The following SCFD2 variants were observed in gnomAD, a reference collection of about 807,000 sequenced individuals.
The protein encoded by SCFD2 is sec1 family domain containing 2, also known as sec1 family domain-containing protein 2.
A neutral mutation model predicts 58.9 loss-of-function variants in SCFD2; 54 were observed. The observed-to-expected ratio is 0.92, with a 90% CI of 0.74 to 1.15. SCFD2 has a LOEUF of 1.15. SCFD2 is among the 50% of genes most tolerant of loss of function. The pLI, the probability that SCFD2 is intolerant of heterozygous loss-of-function variation, is 0.00. For missense variants in SCFD2, 805 were observed against 836.6 expected, an observed-to-expected ratio of 0.96 and a Z score of 0.47; for synonymous variants, 321 against 335.9, an observed-to-expected ratio of 0.96 and a Z score of 0.49.
intron 5 of SCFD2, among the ~76,000 whole-genome samples, chr4:52,998,850 ACT>A (rs1270256856): frequency 6.6e-6 from 1 of 152,160 alleles, no homozygotes; most frequent in Non-Finnish European, 1.5e-5. Flanking sequence ...CCATTAACAC[ACT>A]GTTTAGACTA....
chr4:53,216,086 G>C (rs1728820723), intron 4 of SCFD2, among the ~76,000 whole-genome samples: 2 of 152,096 alleles, frequency 1.3e-5, no homozygotes, highest in African/African-American at 2.4e-5. Context: ...ATGTTCATCA[G>C]GGATATTGAT....
At chr4:53,184,943 G>C (rs574853362) in intron 4 of SCFD2, among the ~76,000 whole-genome samples, 6 of 152,074 alleles carry the variant, frequency 3.9e-5, no homozygotes, top group Admixed American at 1.3e-4. Context: ...TGAATTTGAT[G>C]CATCTCTTTG....
chr4:52,972,390 T>C (rs574199364), intron 5 of SCFD2, among the ~76,000 whole-genome samples: 320 of 152,120 alleles, frequency 2.1e-3, no homozygotes, highest in African/African-American at 7.6e-3. Context: ...AAACAGACTT[T>C]AAAGCAACAA....
At chr4:53,136,891 TTATGA>T (rs1007711374) in intron 5 of SCFD2, among the ~76,000 whole-genome samples, 9 of 152,182 alleles carry the variant, frequency 5.9e-5, no homozygotes, top group African/African-American at 2.2e-4. Flanking sequence ...CTGAGAATGT[TTATGA>T]TATAAGTCCA....
Position 52,914,186 on chromosome 4 carries a change from T to C in SCFD2, c.1707+6539A>G, listed in dbSNP as rs112362117. ...CTATGCAGCCAGGCAAGATTGCTTATGACAAAAATGACCGCTGGTTGGTAA... is the reference window on the plus strand; with the variant it reads ...CTATGCAGCCAGGCAAGATTGCTTACGACAAAAATGACCGCTGGTTGGTAA... On this transcript the variant is annotated intron_variant, in intron 6 of 8. Transcript: ENST00000401642. Among the ~76,000 whole-genome samples, 422 of 152,326 alleles carry C rather than the reference T, an allele frequency of 2.8e-3. 2 individuals are homozygous for C. The highest frequency in any genetic ancestry group is 3.4e-3 in the Non-Finnish European group (231 of 68,022).
intron 4 of SCFD2, among the ~76,000 whole-genome samples, chr4:53,246,996 CAAAAAA>C (rs55821656): frequency 1.1e-5 from 1 of 94,882 alleles, no homozygotes; most frequent in Non-Finnish European, 2.1e-5. Flanking sequence ...AAAAAATTTA[CAAAAAA>C]AAAAAAAAAA....
chr4:52,907,125 G>A (rs1340326732), intron 7 of SCFD2, among the ~76,000 whole-genome samples: 1 of 152,200 alleles, frequency 6.6e-6, no homozygotes, highest in Non-Finnish European at 1.5e-5. Context: ...ACTAAGACCG[G>A]TGTGTGCTAT....
intron 4 of SCFD2, among the ~76,000 whole-genome samples, chr4:53,205,713 T>A (rs1277683011): frequency 6.6e-6 from 1 of 151,762 alleles, no homozygotes; most frequent in East Asian, 1.9e-4. Context: ...TACAAAAAAA[T>A]TAGCTGGGCA....
intron 8 of SCFD2, among the ~76,000 whole-genome samples, chr4:52,875,340 C>T (rs150354348): frequency 6.6e-6 from 1 of 152,044 alleles, no homozygotes; most frequent in African/African-American, 2.4e-5. Flanking sequence ...GGGCTGGGGG[C>T]GTGATGTGCT....
intron 4 of SCFD2, among the ~76,000 whole-genome samples, chr4:53,168,239 C>T (rs1484965674): frequency 1.3e-5 from 2 of 152,166 alleles, no homozygotes; most frequent in African/African-American, 2.4e-5. Flanking sequence ...ATCTGCAATT[C>T]ATCTGTTCAT....
At chr4:53,326,810 A>G (rs1733212535) in intron 2 of SCFD2, among the ~76,000 whole-genome samples, 1 of 152,208 alleles carries the variant, frequency 6.6e-6, no homozygotes, top group Non-Finnish European at 1.5e-5. Context: ...TCATAGGTCC[A>G]CAGGTGAATA....
At chr4:52,983,790 A>C (rs985181801) in intron 5 of SCFD2, among the ~76,000 whole-genome samples, 2 of 152,184 alleles carry the variant, frequency 1.3e-5, no homozygotes, top group African/African-American at 4.8e-5. Context: ...CTAGAGTGAC[A>C]AACCCTCTCC....
At chr4:53,266,162 A>G (rs914590464) in intron 4 of SCFD2, among the ~76,000 whole-genome samples, 10 of 152,330 alleles carry the variant, frequency 6.6e-5, no homozygotes, top group African/African-American at 2.4e-4. Flanking sequence ...ATCAAACAGT[A>G]AATATAAAAA....
At chr4:53,171,518 T>C (rs1401083199) in intron 4 of SCFD2, among the ~76,000 whole-genome samples, 2 of 152,186 alleles carry the variant, frequency 1.3e-5, no homozygotes, top group Non-Finnish European at 2.9e-5. Context: ...GGTACCAAGA[T>C]ACGAGTTTGG....
intron 5 of SCFD2, among the ~76,000 whole-genome samples, chr4:52,942,155 G>A (rs572185581): frequency 6.6e-6 from 1 of 152,256 alleles, no homozygotes; most frequent in Admixed American, 6.5e-5. Context: ...GAAAGTGGAG[G>A]AAAAGAACTA....
intron 4 of SCFD2, among the ~76,000 whole-genome samples, chr4:53,230,736 C>G (rs1209134200): frequency 6.6e-6 from 1 of 151,588 alleles, no homozygotes; most frequent in Non-Finnish European, 1.5e-5. Context: ...CAAACCTGCA[C>G]GTTGTGCACA....
At chr4:52,894,209 G>A (rs75847164) in intron 7 of SCFD2, among the ~76,000 whole-genome samples, 7,167 of 152,094 alleles carry the variant, frequency 0.047, 188 homozygotes, top group South Asian at 0.097. Context: ...ATTAAGCATG[G>A]CCACATAAGA....
At chr4:53,212,019 C>T (rs1728628030) in intron 4 of SCFD2, among the ~76,000 whole-genome samples, 1 of 152,094 alleles carries the variant, frequency 6.6e-6, no homozygotes, top group South Asian at 2.1e-4. Context: ...TAGCATTTTA[C>T]TACTTCTCCT....
At chr4:53,006,868 C>T (rs1721979820) in intron 5 of SCFD2, among the ~76,000 whole-genome samples, 1 of 152,136 alleles carries the variant, frequency 6.6e-6, no homozygotes, top group Admixed American at 6.5e-5. Flanking sequence ...AAGTGAAGGG[C>T]ATGGACCCCA....
Sources: allele counts gnomAD v4.1 joint callset (sites outside exome capture counted in the v4.1 genomes callset), GRCh38; gene constraint gnomAD v4.1.1; transcripts MANE v1.5; gene names NCBI Gene and HGNC (gene_info 2026-07-23, HGNC 2026-07-21).